The following NEURL1B variants were observed in gnomAD, a reference collection of about 807,000 sequenced individuals.
NEURL1B encodes the protein E3 ubiquitin-protein ligase NEURL1B.
NEURL1B carries 13 observed loss-of-function variants against 37.4 expected under a neutral mutation model. The observed-to-expected ratio is 0.35, with a 90% CI of 0.23 to 0.55. NEURL1B has a LOEUF of 0.55. Ranked by LOEUF, NEURL1B falls within the 20% of genes least tolerant of loss-of-function variation. NEURL1B has a pLI of 0.89. For synonymous variants in NEURL1B, 432 were observed against 426.6 expected (o/e 1.01, Z -0.16); for missense variants, 790 against 879.2 (o/e 0.90, Z 1.28).
intron 1 of NEURL1B, 57 bp from the exon 2 acceptor site, chr5:172,669,728 T>C: frequency 1.7e-6 from 2 of 1,159,146 alleles, no homozygotes; most frequent in Non-Finnish European, 2.2e-6. Context: ...TAAAGACCAA[T>C]CGGGGCCCGC....
intron 1 of NEURL1B, among the ~76,000 whole-genome samples, chr5:172,655,976 T>G (rs975015551): frequency 1.3e-5 from 2 of 152,222 alleles, no homozygotes; most frequent in Non-Finnish European, 2.9e-5. Context: ...GCAAGGCAAG[T>G]TACTTCATAG....
chr5:172,669,775 C>G lies in NEURL1B; in HGVS notation c.32-10C>G, dbSNP rs1186495127. ...GGAGGCCTAACCGTGCTGCCTGTGT[C>G]TTTCCGCAGACCCGAGCCCACCGGC... On this transcript the variant is annotated splice_polypyrimidine_tract_variant and intron_variant, in intron 1 of 4. Coordinates refer to ENST00000369800, the MANE Select transcript of NEURL1B (RefSeq NM_001142651.3). The G allele has an allele frequency of 8.0e-7, 1 of 1,254,606 alleles. No homozygotes were observed. Among genetic ancestry groups the G allele is most frequent in the African/African-American group, 1.6e-5 (1 of 62,876 alleles). 77.7% of individuals were successfully genotyped at this position (1,254,606 alleles called of 1,614,324 possible).
chr5:172,669,679 C>T lies in NEURL1B; in HGVS notation c.32-106C>T, dbSNP rs1243496897. The T allele has an allele frequency of 4.3e-5, 37 of 853,662 alleles. No individual in the cohort carries two copies. The Admixed American group carries it at 1.7e-3, about 39-fold the overall frequency. The allele number at this position is 853,662 out of a possible 1,614,324, so 52.9% of individuals were successfully genotyped here. A position where few individuals can be genotyped will look rare whatever the true frequency, so the allele number is the denominator to read the frequency against. ...CTTCTTAAGTTTATCAGTAACCAGT[C>T]CTGTTAAAATGGAATTTCAAATGAA... is the stretch of plus-strand genomic sequence containing the variant. On this transcript the variant is annotated intron_variant, in intron 1 of 4. Transcript: ENST00000369800.
rs974163758 is a variant in NEURL1B at position 172,676,877 on chromosome 5, G to A, written c.578-6542G>A. Among the ~76,000 whole-genome samples, 3 of 152,236 alleles carry A rather than the reference G, an allele frequency of 2.0e-5. No individual in the cohort carries two copies. The highest frequency in any genetic ancestry group is 7.2e-5 in the African/African-American group (3 of 41,458). ...TTGCATAACTGTTGGTGGTCCTAAA[G>A]TCAGAGTTTGTTCATTATTGTTATA... On this transcript the variant is annotated intron_variant, in intron 2 of 4. Coordinates refer to ENST00000369800, the MANE Select transcript of NEURL1B (RefSeq NM_001142651.3). This position sits in a 1 kb window ranked among gnomAD's most constrained non-coding sequence, Gnocchi z 4.5.
At position 172,667,275 on chromosome 5, in the gene NEURL1B, T is replaced by TAAAAAAAAAA. The variant is rs55663413; in HGVS notation, c.32-2498_32-2489dup. ...CAACATGGTGAAACCCTGTCTCTAC[T>TAAAAAAAAAA]AAAAAAAAAAAAAAAAAAAAATTAG... is the stretch of plus-strand genomic sequence containing the variant. On this transcript the variant is annotated intron_variant, in intron 1 of 4. Transcript: ENST00000369800. Among the ~76,000 whole-genome samples, 33 of 72,278 alleles carry TAAAAAAAAAA rather than the reference T, an allele frequency of 4.6e-4. 1 individual carries two copies. Among genetic ancestry groups the TAAAAAAAAAA allele is most frequent in the African/African-American group, 1.1e-3 (14 of 12,414 alleles). The allele number at this position is 72,278 out of a possible 152,430, so 47.4% of individuals were successfully genotyped here.
chr5:172,681,478 G>A (rs1439892509), intron 2 of NEURL1B, among the ~76,000 whole-genome samples: 1 of 152,138 alleles, frequency 6.6e-6, no homozygotes, highest in African/African-American at 2.4e-5. Context: ...AAGCACCCTC[G>A]CTAAGGCAAA....
In NEURL1B at chr5:172,684,134, C is replaced by T. The variant is rs573744077; in HGVS notation, c.1293C>T (p.Leu431=). ...GCGGCGTCGCGGGCCAGCTGCGTCT[C>T]CTCGGTGAGTCCCCGGCCCCGCGTG... ...VRGGVAGQLR[L]LGTLQSSPAT... The change falls in exon 3 of 5, where the codon CTC becomes CTT. Residue 431 remains leucine (L), a synonymous_variant. Transcript: ENST00000369800. 290 of 1,248,768 alleles carry T rather than the reference C, an allele frequency of 2.3e-4. No individual in the cohort carries two copies. The African/African-American group carries it at 4.2e-3, about 18-fold the overall frequency. The allele number at this position is 1,248,768 out of a possible 1,614,324, so 77.4% of individuals were successfully genotyped here.
At chr5:172,663,829 T>TTTTTTTTTATTATTATTATTATTATTA (rs138220033) in intron 1 of NEURL1B, among the ~76,000 whole-genome samples, 11,813 of 140,654 alleles carry the variant, frequency 0.084, 628 homozygotes, top group Middle Eastern at 0.14. Flanking sequence ...GTTTTATTTG[T>TTTTTTTTTATTATTATTATTATTATTA]TTATTATTAT....
intron 1 of NEURL1B, among the ~76,000 whole-genome samples, chr5:172,667,275 T>TTAAAAAA (rs761050020): frequency 4.1e-5 from 3 of 72,302 alleles, no homozygotes; most frequent in African/African-American, 2.4e-4. Context: ...CTGTCTCTAC[T>TTAAAAAA]AAAAAAAAAA....
intron 1 of NEURL1B, among the ~76,000 whole-genome samples, chr5:172,667,709 G>A (rs1402753902): frequency 6.6e-6 from 1 of 151,992 alleles, no homozygotes; most frequent in Non-Finnish European, 1.5e-5. Flanking sequence ...CAGCATCCTT[G>A]CCACCGCCTC....
In NEURL1B at chr5:172,683,258, A is replaced by C. The variant is rs551230712; in HGVS notation, c.578-161A>C. On this transcript the variant is annotated intron_variant, in intron 2 of 4. Transcript: ENST00000369800. This position sits in a 1 kb window ranked among gnomAD's most constrained non-coding sequence, Gnocchi z 5.6. Reference sequence around the variant, plus strand: ...GTGCTCCTGTGACTCACTAAATAACACAGATGGACAAAAGGAGAGTTCGAA... The same window carrying C: ...GTGCTCCTGTGACTCACTAAATAACCCAGATGGACAAAAGGAGAGTTCGAA... Among the ~76,000 whole-genome samples the C allele has an allele frequency of 8.5e-5, 13 of 152,152 alleles. No individual in the cohort carries two copies. In the South Asian group the frequency reaches 2.7e-3, roughly 32 times the overall value.
In NEURL1B at chr5:172,688,015, ATAAG is replaced by A. The variant is rs756663577; in HGVS notation, c.*1093_*1096del. On this transcript the variant is annotated 3_prime_UTR_variant, in exon 5 of 5. Transcript: ENST00000369800. This position sits in a 1 kb window ranked among gnomAD's most constrained non-coding sequence, Gnocchi z 4.3. ...CCGCTGGTTACTAAAGTGTTCACTG[ATAAG>A]TATGTTAACTAATGATCGAGACAGT... The A allele has an allele frequency of 2.6e-5, 4 of 152,690 alleles. No homozygotes were observed. Among genetic ancestry groups the A allele is most frequent in the Non-Finnish European group, 5.9e-5 (4 of 68,058 alleles). The allele number at this position is 152,690 out of a possible 1,614,324, so 9.5% of individuals were successfully genotyped here. A position where few individuals can be genotyped will look rare whatever the true frequency, so the allele number is the denominator to read the frequency against.
chr5:172,665,223 G>T lies in NEURL1B; in HGVS notation c.32-4562G>T, dbSNP rs1362521215. Among the ~76,000 whole-genome samples, 22 of 152,236 alleles carry T rather than the reference G, an allele frequency of 1.4e-4. No homozygotes were observed. The highest frequency in any genetic ancestry group is 1.0e-3 in the Admixed American group (16 of 15,286). The stretch of plus-strand genomic sequence containing the variant: ...TGTTTCCTGGAGGATTTGCCAGCTG[G>T]AGGGGGCCTTGGCCTGCTGGGCACT... On this transcript the variant is annotated intron_variant, in intron 1 of 4. Transcript: ENST00000369800. This position sits in a 1 kb window ranked among gnomAD's most constrained non-coding sequence, Gnocchi z 4.1.
chr5:172,677,074 CAGGGGCTGTCTCGGTG>C (rs1404495369), intron 2 of NEURL1B, among the ~76,000 whole-genome samples: 5 of 151,668 alleles, frequency 3.3e-5, no homozygotes, highest in African/African-American at 1.2e-4. Context: ...GGTGTGGACC[CAGGGGCTGTCTCGGTG>C]AGGGGCCTGT....
chr5:172,674,400 C>T (rs563727178), intron 2 of NEURL1B, among the ~76,000 whole-genome samples: 2 of 152,060 alleles, frequency 1.3e-5, no homozygotes, highest in Non-Finnish European at 2.9e-5. Flanking sequence ...GGGGCCAGAC[C>T]GTGGGGTGCC....
At chr5:172,659,564 A>G (rs1757857262) in intron 1 of NEURL1B, among the ~76,000 whole-genome samples, 1 of 152,194 alleles carries the variant, frequency 6.6e-6, no homozygotes, top group Admixed American at 6.5e-5. Context: ...TTTGACTGGC[A>G]TGGAAGAAAG....
Position 172,648,278 on chromosome 5 carries a change from A to T in NEURL1B, c.31+6841A>T, listed in dbSNP as rs539836965. ...TGTCCAGCAGGTACTAAGTGTTCAC[A>T]CGTAGCACCTGCTAGGATTATGTAT... On this transcript the variant is annotated intron_variant, in intron 1 of 4. Transcript: ENST00000369800. Among the ~76,000 whole-genome samples, 3 of 152,330 alleles carry T rather than the reference A, an allele frequency of 2.0e-5. No homozygotes were observed. In the East Asian group the frequency reaches 5.8e-4, roughly 29 times the overall value.
intron 1 of NEURL1B, among the ~76,000 whole-genome samples, chr5:172,654,304 G>T (rs1424242981): frequency 6.6e-6 from 1 of 152,176 alleles, no homozygotes; most frequent in Non-Finnish European, 1.5e-5. Flanking sequence ...CAATTATTAG[G>T]CAATTTTCCT....
chr5:172,656,062 A>G (rs1331696767), intron 1 of NEURL1B, among the ~76,000 whole-genome samples: 1 of 152,220 alleles, frequency 6.6e-6, no homozygotes, highest in Non-Finnish European at 1.5e-5. Flanking sequence ...TCCCTGACGC[A>G]TGTGGCCCCT....
Sources: gnomAD v4.1 joint callset for allele counts (sites outside exome capture counted in the v4.1 genomes callset) on GRCh38, gnomAD v4.1.1 for gene constraint, Gnocchi (gnomAD v3.1) non-coding constraint, MANE v1.5 for transcripts, NCBI Gene and HGNC (gene_info 2026-07-23, HGNC 2026-07-21) for gene names.